The following GRIK2 variants were observed in gnomAD, a reference collection of about 807,000 sequenced individuals.
GRIK2 encodes the protein glutamate ionotropic receptor kainate type subunit 2.
GRIK2 carries 32 observed loss-of-function variants against 100.3 expected under a neutral mutation model. The ratio of observed to expected loss-of-function variants is 0.32; its 90% confidence interval spans 0.24 to 0.43. The LOEUF (loss-of-function observed/expected upper bound fraction) is 0.43, where lower values mean the gene tolerates loss of function less well. Among genes scored for constraint, GRIK2 ranks in the 20% least tolerant of loss-of-function variants. GRIK2 has a pLI of 1.00. For missense variants in GRIK2, 843 were observed against 1,114.9 expected (o/e 0.76, Z 3.47); for synonymous variants, 417 against 389.4 (o/e 1.07, Z -0.83).
intron 12 of GRIK2, among the ~76,000 whole-genome samples, chr6:101,898,079 T>G (rs144508352): frequency 6.6e-6 from 1 of 152,008 alleles, no homozygotes; most frequent in East Asian, 1.9e-4. Context: ...GAGATTCATT[T>G]ATTACCTTTT....
At chr6:102,048,002 CT>C (rs1485717788) in intron 15 of GRIK2, among the ~76,000 whole-genome samples, 1 of 151,334 alleles carries the variant, frequency 6.6e-6, no homozygotes, top group Non-Finnish European at 1.5e-5. Flanking sequence ...TACTGCCCCC[CT>C]CCCAAGAAAA....
chr6:101,603,522 GA>G (rs1482298970), intron 2 of GRIK2, among the ~76,000 whole-genome samples: 1 of 151,508 alleles, frequency 6.6e-6, no homozygotes, highest in Non-Finnish European at 1.5e-5. Context: ...AGCTATTTGT[GA>G]AAAAAACTTA....
In GRIK2 at chr6:101,676,018, G is replaced by A. The variant is rs985368530; in HGVS notation, c.542-605G>A. 9.2e-5 allele frequency among the ~76,000 whole-genome samples: 14 copies of A among 152,106 alleles called. 1 individual carries two copies. The highest frequency in any genetic ancestry group is 3.4e-4 in the African/African-American group (14 of 41,426). On this transcript the variant is annotated intron_variant, in intron 4 of 16. Transcript: ENST00000369134. ...TAGGGAATAGTTACATAAATTAGGT[G>A]CGTGATAAAACACAGTGTTCATTAA... is the stretch of plus-strand genomic sequence containing the variant.
intron 10 of GRIK2, among the ~76,000 whole-genome samples, chr6:101,833,630 A>T (rs1022289075): frequency 4.6e-5 from 7 of 152,204 alleles, no homozygotes; most frequent in African/African-American, 1.7e-4. Flanking sequence ...ATACAAATGA[A>T]TAACTTGATA....
At chr6:101,867,195 A>G (rs1219712548) in intron 11 of GRIK2, among the ~76,000 whole-genome samples, 4 of 151,660 alleles carry the variant, frequency 2.6e-5, no homozygotes, top group African/African-American at 2.4e-5. Flanking sequence ...CTGAAGCAGT[A>G]CCTCCCCCCA....
chr6:101,543,104 CA>C (rs984917696), intron 2 of GRIK2, among the ~76,000 whole-genome samples: 8 of 151,780 alleles, frequency 5.3e-5, no homozygotes, highest in African/African-American at 1.9e-4. Flanking sequence ...AACAAGCAAA[CA>C]AAAAAAGGAC....
chr6:101,474,362 A>G (rs1288534317), intron 2 of GRIK2, among the ~76,000 whole-genome samples: 1 of 151,918 alleles, frequency 6.6e-6, no homozygotes, highest in Non-Finnish European at 1.5e-5. Flanking sequence ...AACTGCACAG[A>G]GTATTTAATT....
At chr6:101,934,417 T>G (rs1790491162) in intron 14 of GRIK2, among the ~76,000 whole-genome samples, 1 of 151,902 alleles carries the variant, frequency 6.6e-6, no homozygotes, top group South Asian at 2.1e-4. Flanking sequence ...CTCAATAGTC[T>G]TCTAAAATTA....
At chr6:101,844,414 A>G (rs546201797) in intron 10 of GRIK2, among the ~76,000 whole-genome samples, 2 of 152,286 alleles carry the variant, frequency 1.3e-5, no homozygotes, top group East Asian at 3.9e-4. Flanking sequence ...ATAATAGGAG[A>G]ATAAATTTGT....
chr6:101,943,504 G>A (rs553022701), intron 14 of GRIK2, among the ~76,000 whole-genome samples: 5 of 152,156 alleles, frequency 3.3e-5, no homozygotes, highest in Admixed American at 6.5e-5. Flanking sequence ...ACACTAGCCC[G>A]TGAAAGCAGC....
chr6:101,509,486 T>C (rs1405853582), intron 2 of GRIK2, among the ~76,000 whole-genome samples: 2 of 152,212 alleles, frequency 1.3e-5, no homozygotes, highest in Non-Finnish European at 2.9e-5. Flanking sequence ...ATAGAAAATA[T>C]CTTTTGAAAC....
chr6:102,026,468 A>G (rs765418783), intron 14 of GRIK2, among the ~76,000 whole-genome samples: 2 of 151,058 alleles, frequency 1.3e-5, no homozygotes, highest in African/African-American at 2.4e-5. Flanking sequence ...TATATTCTTG[A>G]TGGCTATTAT....
intron 2 of GRIK2, among the ~76,000 whole-genome samples, chr6:101,443,934 G>T (rs1326955692): frequency 6.6e-6 from 1 of 150,718 alleles, no homozygotes; most frequent in Non-Finnish European, 1.5e-5. Flanking sequence ...TTCTCGGCTG[G>T]AGTGTAATGG....
intron 4 of GRIK2, among the ~76,000 whole-genome samples, chr6:101,670,981 C>T (rs1036366378): frequency 2.6e-5 from 4 of 152,100 alleles, no homozygotes; most frequent in Admixed American, 2.0e-4. Context: ...AACCCAACAC[C>T]CCAGCTATAA....
At chr6:101,866,878 A>G (rs1053102705) in intron 11 of GRIK2, among the ~76,000 whole-genome samples, 3 of 151,496 alleles carry the variant, frequency 2.0e-5, no homozygotes, top group Admixed American at 6.6e-5. Context: ...TTCCCCAGCT[A>G]AGACTTTATC....
At chr6:101,751,872 G>C (rs919772683) in intron 7 of GRIK2, among the ~76,000 whole-genome samples, 5 of 152,134 alleles carry the variant, frequency 3.3e-5, no homozygotes, top group African/African-American at 9.7e-5. Context: ...GTTAATGTTT[G>C]TGTCTCTTGT....
chr6:101,499,391 CATTTT>C (rs1406897880), intron 2 of GRIK2, among the ~76,000 whole-genome samples: 6 of 152,098 alleles, frequency 3.9e-5, no homozygotes, highest in Middle Eastern at 6.8e-3. Flanking sequence ...TATGTTAGTA[CATTTT>C]ATAGCTGTCA....
intron 7 of GRIK2, among the ~76,000 whole-genome samples, chr6:101,711,748 G>A (rs986144984): frequency 6.6e-6 from 1 of 151,760 alleles, no homozygotes; most frequent in Admixed American, 6.6e-5. Flanking sequence ...ATTCTGTTAA[G>A]GTCTAAACTG....
At chr6:101,956,971 T>C (rs1434701546) in intron 14 of GRIK2, among the ~76,000 whole-genome samples, 1 of 151,594 alleles carries the variant, frequency 6.6e-6, no homozygotes, top group East Asian at 1.9e-4. Flanking sequence ...TTCAGGTGTC[T>C]TTTTGATATA....
Sources: allele counts gnomAD v4.1 joint callset (sites outside exome capture counted in the v4.1 genomes callset), GRCh38; gene constraint gnomAD v4.1.1; transcripts MANE v1.5; gene names NCBI Gene and HGNC (gene_info 2026-07-23, HGNC 2026-07-21).